The following USP15 variants were observed in gnomAD, a reference collection of about 807,000 sequenced individuals.
USP15 encodes ubiquitin carboxyl-terminal hydrolase 15.
A neutral mutation model predicts 127.1 loss-of-function variants in USP15; 18 were observed. That is an observed-to-expected ratio of 0.14 (90% CI 0.10 to 0.21). The LOEUF (loss-of-function observed/expected upper bound fraction) is 0.21, where lower values mean the gene tolerates loss of function less well. USP15 is among the 10% of genes least tolerant of loss of function. The probability of loss-of-function intolerance (pLI) is 1.00; values close to 1 mark genes in which losing one functional copy is unlikely to be tolerated. For missense variants in USP15, 805 were observed against 1,159.9 expected, an observed-to-expected ratio of 0.69 and a Z score of 4.44; for synonymous variants, 364 against 393.7, an observed-to-expected ratio of 0.92 and a Z score of 0.89.
At chr12:62,365,325 CAT>C (rs1336544361) in intron 8 of USP15, among the ~76,000 whole-genome samples, 6 of 152,058 alleles carry the variant, frequency 3.9e-5, no homozygotes, top group Admixed American at 1.3e-4. Context: ...AGCTTTTTTT[CAT>C]ATGTTTGTTG....
intron 8 of USP15, among the ~76,000 whole-genome samples, chr12:62,372,882 C>A (rs1373132062): frequency 6.6e-6 from 1 of 151,990 alleles, no homozygotes; most frequent in Non-Finnish European, 1.5e-5. Context: ...ACCAACATTT[C>A]TTAATGTTAT....
chr12:62,372,833 C>T (rs980337269), intron 8 of USP15, among the ~76,000 whole-genome samples: 1 of 152,012 alleles, frequency 6.6e-6, no homozygotes, highest in African/African-American at 2.4e-5. Flanking sequence ...TTCAATTCTT[C>T]TATTTAAGCT....
chr12:62,371,625 A>T (rs1274718562), intron 8 of USP15, among the ~76,000 whole-genome samples: 1 of 152,140 alleles, frequency 6.6e-6, no homozygotes, highest in Non-Finnish European at 1.5e-5. Context: ...CATTTTTATT[A>T]TATCTTACAC....
At chr12:62,401,604 G>A (rs1252970985) in intron 21 of USP15, among the ~76,000 whole-genome samples, 1 of 151,752 alleles carries the variant, frequency 6.6e-6, no homozygotes, top group Non-Finnish European at 1.5e-5. Context: ...CTTAAAGCCA[G>A]AATGTTTAAA....
chr12:62,363,865 A>G (rs953802871), intron 8 of USP15, among the ~76,000 whole-genome samples: 4 of 152,206 alleles, frequency 2.6e-5, no homozygotes, highest in Non-Finnish European at 1.5e-5. Context: ...ATATATCATA[A>G]TGATAGATGT....
At chr12:62,277,517 A>G (rs2063527849) in intron 1 of USP15, 1 of 152,168 alleles carries the variant, frequency 6.6e-6, no homozygotes, top group African/African-American at 2.4e-5. Flanking sequence ...CTTATTTAGA[A>G]CACTTACCAT....
chr12:62,405,135 A>G lies in USP15; in HGVS notation c.*760A>G, dbSNP rs540921909. On this transcript the variant is annotated 3_prime_UTR_variant, in exon 22 of 22. Transcript: ENST00000280377. Reference sequence around the variant, plus strand: ...GATATTCAAAAACATTTTTTGCTTTAAAATGCATATCTTTAATTGGGTGTT... The same window carrying G: ...GATATTCAAAAACATTTTTTGCTTTGAAATGCATATCTTTAATTGGGTGTT... 2.0e-5 allele frequency: 3 copies of G among 152,190 alleles called. No individual in the cohort carries two copies. Among genetic ancestry groups the G allele is most frequent in the Admixed American group, 2.0e-4 (3 of 15,268 alleles). The allele number at this position is 152,190 out of a possible 1,614,324, so 9.4% of individuals were successfully genotyped here.
intron 1 of USP15, among the ~76,000 whole-genome samples, chr12:62,284,874 G>T (rs2063745756): frequency 6.6e-6 from 1 of 151,560 alleles, no homozygotes; most frequent in African/African-American, 2.4e-5. Flanking sequence ...TACTTTTTCT[G>T]TCATTGGTCA....
At chr12:62,385,226 T>A (rs1229492839) in intron 11 of USP15, among the ~76,000 whole-genome samples, 3 of 151,920 alleles carry the variant, frequency 2.0e-5, no homozygotes, top group African/African-American at 7.2e-5. Context: ...ATGCACCTAC[T>A]AAGTATAAAG....
At chr12:62,291,333 C>G (rs2063961757) in intron 1 of USP15, among the ~76,000 whole-genome samples, 1 of 152,076 alleles carries the variant, frequency 6.6e-6, no homozygotes, top group Non-Finnish European at 1.5e-5. Context: ...TCTCCTTGAT[C>G]TAGTTTATTG....
rs138183442 is a variant in USP15, at chr12:62,268,273, A to G, written c.89+7770A>G. On this transcript the variant is annotated intron_variant, in intron 1 of 21. Transcript: ENST00000280377. ...TAGTCAGTGGTAGAGCAGGAGGTCT[A>G]ACTTAAAGCTTGCATTTTAAATTCT... Among the ~76,000 whole-genome samples the G allele has an allele frequency of 2.0e-3, 301 of 152,266 alleles. 1 individual carries two copies. The highest frequency in any genetic ancestry group is 6.9e-3 in the African/African-American group (285 of 41,572).
chr12:62,340,838 G>A (rs2065624461), intron 6 of USP15, among the ~76,000 whole-genome samples: 1 of 145,990 alleles, frequency 6.8e-6, no homozygotes, highest in Non-Finnish European at 1.5e-5. Flanking sequence ...GTGCTGAGAA[G>A]AATGTATATT....
intron 1 of USP15, among the ~76,000 whole-genome samples, chr12:62,286,250 T>TA (rs2063781892): frequency 6.6e-6 from 1 of 151,954 alleles, no homozygotes; most frequent in East Asian, 1.9e-4. Flanking sequence ...AAAGAACACA[T>TA]ACAGACAGCC....
chr12:62,266,326 A>G (rs934002717), intron 1 of USP15, among the ~76,000 whole-genome samples: 5 of 152,190 alleles, frequency 3.3e-5, no homozygotes, highest in African/African-American at 1.2e-4. Flanking sequence ...ACTATAAGCC[A>G]CAAATACATA....
chr12:62,292,386 A>G (rs1183075200), intron 1 of USP15, among the ~76,000 whole-genome samples: 1 of 152,158 alleles, frequency 6.6e-6, no homozygotes, highest in Non-Finnish European at 1.5e-5. Context: ...CTCCCTCCCC[A>G]TGGCAGGACC....
chr12:62,341,730 G>A (rs1286002860), intron 6 of USP15, among the ~76,000 whole-genome samples: 18 of 152,200 alleles, frequency 1.2e-4, no homozygotes, highest in Admixed American at 1.2e-3. Context: ...GGCTTGTAGG[G>A]TTTCTGCAGA....
At chr12:62,299,781 C>T (rs1395163483) in intron 2 of USP15, among the ~76,000 whole-genome samples, 1 of 152,190 alleles carries the variant, frequency 6.6e-6, no homozygotes, top group Non-Finnish European at 1.5e-5. Flanking sequence ...TACATCATTG[C>T]TGGCAGTGTA....
At chr12:62,367,786 A>C (rs1045239264) in intron 8 of USP15, among the ~76,000 whole-genome samples, 2 of 151,820 alleles carry the variant, frequency 1.3e-5, no homozygotes, top group Non-Finnish European at 2.9e-5. Context: ...ATTTTTTTGA[A>C]AGGTTTTTCG....
intron 1 of USP15, among the ~76,000 whole-genome samples, chr12:62,272,961 G>A (rs2063377760): frequency 6.6e-6 from 1 of 151,988 alleles, no homozygotes; most frequent in Non-Finnish European, 1.5e-5. Flanking sequence ...TCTCTTTACA[G>A]TTAAAAATCT....
Sources: gnomAD v4.1 joint callset for allele counts (sites outside exome capture counted in the v4.1 genomes callset) on GRCh38, gnomAD v4.1.1 for gene constraint, MANE v1.5 for transcripts, NCBI Gene and HGNC (gene_info 2026-07-23, HGNC 2026-07-21) for gene names.